RNF180: variants seen among roughly 807,000 people sequenced by gnomAD.
RNF180 encodes ring finger protein 180.
RNF180 carries 38 observed loss-of-function variants against 59.2 expected under a neutral mutation model. The observed-to-expected ratio is 0.64, with a 90% CI of 0.50 to 0.84. The LOEUF is 0.84. Ranked by LOEUF, RNF180 falls within the 40% of genes least tolerant of loss-of-function variation. The probability of loss-of-function intolerance (pLI) is 0.00; values close to 1 mark genes in which losing one functional copy is unlikely to be tolerated. For synonymous variants in RNF180, 262 were observed against 240.3 expected, an observed-to-expected ratio of 1.09 and a Z score of -0.84; for missense variants, 705 against 700.9, an observed-to-expected ratio of 1.01 and a Z score of -0.07.
chr5:64,190,247 A>G (rs1751073980), intron 1 of RNF180, among the ~76,000 whole-genome samples: 1 of 152,182 alleles, frequency 6.6e-6, no homozygotes, highest in Non-Finnish European at 1.5e-5. Flanking sequence ...TTGCTAGGTA[A>G]TGAACTTGCT....
intron 5 of RNF180, among the ~76,000 whole-genome samples, chr5:64,248,853 C>T (rs578240207): frequency 1.3e-5 from 2 of 152,258 alleles, no homozygotes; most frequent in South Asian, 4.2e-4. Context: ...TGGAACCAAC[C>T]CAAATACCCT....
intron 7 of RNF180, among the ~76,000 whole-genome samples, chr5:64,358,406 T>C (rs984430689): frequency 6.6e-6 from 1 of 151,888 alleles, no homozygotes; most frequent in Admixed American, 6.6e-5. Flanking sequence ...AGAATATTTC[T>C]GAAGAGCTTT....
At chr5:64,169,946 C>T (rs188387226) in intron 1 of RNF180, among the ~76,000 whole-genome samples, 101 of 152,350 alleles carry the variant, frequency 6.6e-4, no homozygotes, top group African/African-American at 2.2e-3. Flanking sequence ...GGGTTAATGC[C>T]TCTTGGCAGT....
chr5:64,205,792 GA>G lies in RNF180; in HGVS notation c.135+4859del, dbSNP rs569074862. 8.8e-5 allele frequency among the ~76,000 whole-genome samples: 13 copies of G among 147,602 alleles called. No homozygotes were observed. The South Asian group carries it at 2.8e-3, about 32-fold the overall frequency. On this transcript the variant is annotated intron_variant, in intron 2 of 7. Coordinates refer to ENST00000389100, the MANE Select transcript of RNF180 (RefSeq NM_001113561.2). The stretch of plus-strand genomic sequence containing the variant: ...GAAAAAGAGAAGCTCTCACAAAGGA[GA>G]AAAAAAAAGAGTGAAAAAAATAGAA...
At chr5:64,187,290 T>C (rs1750918482) in intron 1 of RNF180, among the ~76,000 whole-genome samples, 1 of 152,194 alleles carries the variant, frequency 6.6e-6, no homozygotes, top group Non-Finnish European at 1.5e-5. Context: ...AAATTCATAC[T>C]ACTTTTTGTC....
At chr5:64,214,583 C>A in intron 4 of RNF180, 66 bp downstream of exon 4, 1 of 1,411,024 alleles carries the variant, frequency 7.1e-7, no homozygotes, top group Non-Finnish European at 9.7e-7. Flanking sequence ...GGGAGTGGAG[C>A]TAACTTTCAA....
chr5:64,196,543 A>G (rs915289057), intron 1 of RNF180, among the ~76,000 whole-genome samples: 2 of 152,044 alleles, frequency 1.3e-5, no homozygotes, highest in Non-Finnish European at 2.9e-5. Context: ...CGGTATATTG[A>G]ATAGTTTTTC....
intron 5 of RNF180, among the ~76,000 whole-genome samples, chr5:64,296,061 G>A (rs1385537437): frequency 6.6e-6 from 1 of 152,092 alleles, no homozygotes; most frequent in Non-Finnish European, 1.5e-5. Context: ...ATGTATAGTA[G>A]GTTTAGATTT....
chr5:64,330,263 T>G lies in RNF180; in HGVS notation c.1454-18T>G, dbSNP rs570829274. On this transcript the variant is annotated intron_variant, in intron 6 of 7. Transcript: ENST00000389100. Reference sequence around the variant, plus strand: ...TCAAATTAATTTCAAAATCCTATTTTCTTTTGCTTTATTCTAGAATTGAAC... The same window carrying G: ...TCAAATTAATTTCAAAATCCTATTTGCTTTTGCTTTATTCTAGAATTGAAC... 14 of 1,395,734 alleles carry G rather than the reference T, an allele frequency of 1.0e-5. No individual in the cohort carries two copies. In the East Asian group the frequency reaches 1.7e-4, roughly 17 times the overall value. 86.5% of individuals were successfully genotyped at this position (1,395,734 alleles called of 1,614,324 possible). A position where few individuals can be genotyped will look rare whatever the true frequency, so the allele number is the denominator to read the frequency against.
At chr5:64,348,878 A>G (rs1029091665) in intron 7 of RNF180, among the ~76,000 whole-genome samples, 1 of 152,118 alleles carries the variant, frequency 6.6e-6, no homozygotes, top group Non-Finnish European at 1.5e-5. Flanking sequence ...GTAGATTTAG[A>G]AAGTATAGCA....
At chr5:64,334,439 G>A (rs1379167358) in intron 7 of RNF180, among the ~76,000 whole-genome samples, 2 of 151,964 alleles carry the variant, frequency 1.3e-5, no homozygotes, top group African/African-American at 2.4e-5. Context: ...AATCCTGCCA[G>A]ATAAAGCCTT....
chr5:64,328,549 T>C (rs1375565667), intron 6 of RNF180, among the ~76,000 whole-genome samples: 1 of 152,240 alleles, frequency 6.6e-6, no homozygotes, highest in Non-Finnish European at 1.5e-5. Context: ...CTCTCTAGCA[T>C]ACATGATGAG....
At chr5:64,345,957 C>T (rs1201663839) in intron 7 of RNF180, among the ~76,000 whole-genome samples, 1 of 150,550 alleles carries the variant, frequency 6.6e-6, no homozygotes, top group East Asian at 1.9e-4. Flanking sequence ...AAATAACCAG[C>T]TTCTAGGAAA....
chr5:64,243,819 C>T (rs904813151), intron 5 of RNF180, among the ~76,000 whole-genome samples: 3 of 152,172 alleles, frequency 2.0e-5, no homozygotes, highest in African/African-American at 7.2e-5. Context: ...GCAGGGTGGA[C>T]AGACACCTCA....
intron 7 of RNF180, among the ~76,000 whole-genome samples, chr5:64,330,683 CA>C (rs1261918549): frequency 6.6e-6 from 1 of 152,228 alleles, no homozygotes; most frequent in African/African-American, 2.4e-5. Context: ...AAATACGTCT[CA>C]AAAGTATCAG....
At chr5:64,214,603 A>G (rs1468629665) in intron 4 of RNF180, 86 bp downstream of exon 4, 5 of 1,228,898 alleles carry the variant, frequency 4.1e-6, no homozygotes, top group Admixed American at 2.4e-5. Flanking sequence ...ACATCTGTAT[A>G]ATAAAAACTT....
intron 1 of RNF180, among the ~76,000 whole-genome samples, chr5:64,181,106 G>T (rs1750553781): frequency 6.6e-6 from 1 of 152,182 alleles, no homozygotes; most frequent in African/African-American, 2.4e-5. Context: ...ATGAAGGCTG[G>T]ATGACTCAGC....
chr5:64,316,701 T>C lies in RNF180; in HGVS notation c.1228-8485T>C. On this transcript the variant is annotated intron_variant, in intron 5 of 7. Transcript: ENST00000389100. ...TATATAAATCAAACACATTTAGTACTTAACCTAATATAATCTTTAAGAGTC... is the reference window on the plus strand; with the variant it reads ...TATATAAATCAAACACATTTAGTACCTAACCTAATATAATCTTTAAGAGTC... Among the ~76,000 whole-genome samples, 3 of 152,328 alleles carry C rather than the reference T, an allele frequency of 2.0e-5. 1 individual carries two copies. The South Asian group carries it at 6.2e-4, about 32-fold the overall frequency.
At chr5:64,252,634 A>G (rs1298235134) in intron 5 of RNF180, among the ~76,000 whole-genome samples, 1 of 152,108 alleles carries the variant, frequency 6.6e-6, no homozygotes, top group African/African-American at 2.4e-5. Flanking sequence ...TCCAGCTGTT[A>G]AGTATACAGA....
Sources: gnomAD v4.1 joint callset for allele counts (sites outside exome capture counted in the v4.1 genomes callset) on GRCh38, gnomAD v4.1.1 for gene constraint, MANE v1.5 for transcripts, NCBI Gene and HGNC (gene_info 2026-07-23, HGNC 2026-07-21) for gene names.